LCA5: variants seen among roughly 807,000 people sequenced by gnomAD.
LCA5 encodes the protein lebercilin LCA5.
In LCA5, 37 loss-of-function variants were observed where a neutral mutation model predicts 53.0. That is an observed-to-expected ratio of 0.70 (90% CI 0.54 to 0.92). The LOEUF is 0.92. Among genes scored for constraint, LCA5 ranks in the 40% least tolerant of loss-of-function variants. The pLI, the probability that LCA5 is intolerant of heterozygous loss-of-function variation, is 0.00. For missense variants in LCA5, 806 were observed against 790.5 expected (o/e 1.02, Z -0.23); for synonymous variants, 303 against 282.9 (o/e 1.07, Z -0.71).
In LCA5 at chr6:79,502,034, T is replaced by C. The variant is rs181003251; in HGVS notation, c.721-8284A>G. Among the ~76,000 whole-genome samples, 96 of 152,220 alleles carry C rather than the reference T, an allele frequency of 6.3e-4. No individual in the cohort carries two copies. In the East Asian group the frequency reaches 0.017, roughly 26 times the overall value. On this transcript the variant is annotated intron_variant, in intron 3 of 7. Coordinates refer to ENST00000369846, the MANE Select transcript of LCA5 (RefSeq NM_001122769.3). Reference sequence around the variant, plus strand: ...GAATAGTTCTAAGTAAGCAATATTTTCCAAAACATTTAAAAACCTGGTAGA... The same window carrying C: ...GAATAGTTCTAAGTAAGCAATATTTCCCAAAACATTTAAAAACCTGGTAGA...
rs549788014 is a variant in LCA5, at chr6:79,485,231, G to C, written c.*1773C>G. The C allele has an allele frequency of 1.3e-5, 2 of 152,392 alleles. No individual in the cohort carries two copies. Among genetic ancestry groups the C allele is most frequent in the African/African-American group, 4.8e-5 (2 of 41,472 alleles). 9.4% of individuals were successfully genotyped at this position (152,392 alleles called of 1,614,324 possible). A position where few individuals can be genotyped will look rare whatever the true frequency, so the allele number is the denominator to read the frequency against. On this transcript the variant is annotated 3_prime_UTR_variant, in exon 8 of 8. Coordinates refer to ENST00000369846, the MANE Select transcript of LCA5 (RefSeq NM_001122769.3). ...AAAGAGATTATCAGGTAGAAAAAAAGCAAAAAACTAATTTAAATGACGTGA... is the reference window on the plus strand; with the variant it reads ...AAAGAGATTATCAGGTAGAAAAAAACCAAAAAACTAATTTAAATGACGTGA...
intron 3 of LCA5, among the ~76,000 whole-genome samples, chr6:79,505,321 C>A (rs1236713704): frequency 6.6e-6 from 1 of 151,988 alleles, no homozygotes; most frequent in Non-Finnish European, 1.5e-5. Context: ...ATAATAAAAT[C>A]TTTGATTATA....
intron 2 of LCA5, among the ~76,000 whole-genome samples, chr6:79,516,814 CTT>C (rs1562108287): frequency 6.6e-6 from 1 of 151,544 alleles, no homozygotes; most frequent in Admixed American, 6.6e-5. Flanking sequence ...TAATATGACT[CTT>C]TTTTTAACAT....
intron 1 of LCA5, among the ~76,000 whole-genome samples, chr6:79,530,498 T>C (rs1766926677): frequency 6.6e-6 from 1 of 152,190 alleles, no homozygotes; most frequent in Non-Finnish European, 1.5e-5. Flanking sequence ...CATGTACCCC[T>C]GAACTTAAAA....
chr6:79,533,279 T>C (rs1384221811), intron 1 of LCA5, among the ~76,000 whole-genome samples: 1 of 152,118 alleles, frequency 6.6e-6, no homozygotes, highest in Non-Finnish European at 1.5e-5. Context: ...AGATTTATAG[T>C]CCATGTGTAG....
chr6:79,518,367 T>C (rs1766508614), intron 2 of LCA5, among the ~76,000 whole-genome samples: 1 of 152,062 alleles, frequency 6.6e-6, no homozygotes, highest in Admixed American at 6.5e-5. Context: ...AAAATGAAGA[T>C]ACAAAAAGGT....
rs181876603 is a variant in LCA5 at position 79,495,489 on chromosome 6, T to A, written c.721-1739A>T. Among the ~76,000 whole-genome samples, 4 of 152,154 alleles carry A rather than the reference T, an allele frequency of 2.6e-5. No individual in the cohort carries two copies. In the East Asian group the frequency reaches 7.8e-4, roughly 29 times the overall value. ...AAGTCGGGCCAGGCGCGGTGGCTCA[T>A]GTCTGTAATCCCAGCACTCTGGGAG... On this transcript the variant is annotated intron_variant, in intron 3 of 7. Coordinates refer to ENST00000369846, the MANE Select transcript of LCA5 (RefSeq NM_001122769.3).
intron 1 of LCA5, among the ~76,000 whole-genome samples, chr6:79,521,163 C>T (rs983967395): frequency 1.3e-5 from 2 of 152,028 alleles, no homozygotes; most frequent in Non-Finnish European, 2.9e-5. Context: ...AACACTGCTA[C>T]AGGGGAAGGA....
chr6:79,532,734 C>T (rs1444121677), intron 1 of LCA5, among the ~76,000 whole-genome samples: 1 of 152,094 alleles, frequency 6.6e-6, no homozygotes, highest in East Asian at 1.9e-4. Context: ...TATTACTATG[C>T]TTTATTTTCT....
At chr6:79,502,922 G>A (rs1409037951) in intron 3 of LCA5, among the ~76,000 whole-genome samples, 3 of 151,980 alleles carry the variant, frequency 2.0e-5, no homozygotes, top group East Asian at 1.9e-4. Flanking sequence ...ACTCTGTCGC[G>A]TAGGCTGGAG....
At chr6:79,519,675 C>T (rs184652940) in intron 1 of LCA5, among the ~76,000 whole-genome samples, 117 of 148,784 alleles carry the variant, frequency 7.9e-4, no homozygotes, top group Non-Finnish European at 1.5e-3. Context: ...CAAGATGGCG[C>T]CACTGAACTC....
Position 79,513,442 on chromosome 6 carries a change from G to A in LCA5, c.490C>T (p.His164Tyr). 4.3e-6 allele frequency: 7 copies of A among 1,613,766 alleles called. No individual in the cohort carries two copies. The highest frequency in any genetic ancestry group is 5.9e-6 in the Non-Finnish European group (7 of 1,179,870). Residue 164 changes from histidine (H) to tyrosine (Y), a missense_variant, in exon 3 of 8, where the codon CAT becomes TAT. His to Tyr is a moderately conservative substitution (Grantham distance 83). Transcript: ENST00000369846. Reference sequence around the variant, plus strand: ...TTGAGTGCTGTAATCTCATTGTTATGACGAAATATAAGTTGTGAGATTTCA... The same window carrying A: ...TTGAGTGCTGTAATCTCATTGTTATAACGAAATATAAGTTGTGAGATTTCA... The part of the protein sequence containing the change: ...ENEISQLIFR[H>Y]NNEITALKER...
At chr6:79,494,637 G>C (rs1185671736) in intron 3 of LCA5, among the ~76,000 whole-genome samples, 1 of 152,068 alleles carries the variant, frequency 6.6e-6, no homozygotes, top group African/African-American at 2.4e-5. Flanking sequence ...TATAATTTGA[G>C]ACTTTGATAT....
intron 1 of LCA5, among the ~76,000 whole-genome samples, chr6:79,535,760 T>C (rs1343972376): frequency 6.6e-6 from 1 of 152,026 alleles, no homozygotes; most frequent in East Asian, 1.9e-4. Flanking sequence ...AAAACACAAA[T>C]AGTGTAAGCC....
chr6:79,508,400 T>TA (rs1770325238), intron 3 of LCA5, among the ~76,000 whole-genome samples: 1 of 152,100 alleles, frequency 6.6e-6, no homozygotes, highest in South Asian at 2.1e-4. Context: ...GTACCCAACT[T>TA]ACAGGCTGAT....
In LCA5 at chr6:79,510,527, G is replaced by T. The variant is rs573019898; in HGVS notation, c.720+2685C>A. 3.3e-5 allele frequency among the ~76,000 whole-genome samples: 5 copies of T among 152,218 alleles called. No individual in the cohort carries two copies. The South Asian group carries it at 1.0e-3, about 32-fold the overall frequency. Reference sequence around the variant, plus strand: ...GGGACAAACAGGCAAAGACAATAGGGATAGGTGACGTGTTAGACTTGACAC... The same window carrying T: ...GGGACAAACAGGCAAAGACAATAGGTATAGGTGACGTGTTAGACTTGACAC... On this transcript the variant is annotated intron_variant, in intron 3 of 7. Transcript: ENST00000369846.
At chr6:79,527,798 G>A (rs577539182) in intron 1 of LCA5, among the ~76,000 whole-genome samples, 1 of 152,182 alleles carries the variant, frequency 6.6e-6, no homozygotes. Context: ...TATGGGTTAA[G>A]AGCAGACATC....
chr6:79,534,576 A>G (rs527732788), intron 1 of LCA5, among the ~76,000 whole-genome samples: 2 of 152,274 alleles, frequency 1.3e-5, no homozygotes, highest in East Asian at 1.9e-4. Flanking sequence ...GCGACAGTCT[A>G]TAAGTACTAA....
At chr6:79,530,627 T>C (rs187284722) in intron 1 of LCA5, among the ~76,000 whole-genome samples, 1 of 152,334 alleles carries the variant, frequency 6.6e-6, no homozygotes, top group African/African-American at 2.4e-5. Flanking sequence ...GTAATACTTA[T>C]ATCATCTCAC....
Sources: gnomAD v4.1 joint callset for allele counts (sites outside exome capture counted in the v4.1 genomes callset) on GRCh38, gnomAD v4.1.1 for gene constraint, MANE v1.5 for transcripts, NCBI Gene and HGNC (gene_info 2026-07-23, HGNC 2026-07-21) for gene names.